Variants in SERPINA6 observed in about 807,000 individuals in gnomAD.
The protein encoded by SERPINA6 is serpin family A member 6, also known as corticosteroid-binding globulin.
In SERPINA6, 19 loss-of-function variants were observed where a neutral mutation model predicts 26.4. That is an observed-to-expected ratio of 0.72 (90% confidence interval 0.50 to 1.06). SERPINA6 has a LOEUF of 1.06. Ranked by LOEUF, SERPINA6 falls within the 50% of genes least tolerant of loss-of-function variation. The pLI, the probability that SERPINA6 is intolerant of heterozygous loss-of-function variation, is 0.00. For synonymous variants in SERPINA6, 196 were observed against 199.4 expected, an observed-to-expected ratio of 0.98 and a Z score of 0.14; for missense variants, 473 against 504.0, an observed-to-expected ratio of 0.94 and a Z score of 0.59.
intron 1 of SERPINA6, among the ~76,000 whole-genome samples, chr14:94,317,229 A>C (rs573008006): frequency 4.6e-5 from 7 of 152,360 alleles, no homozygotes; most frequent in African/African-American, 1.7e-4. Context: ...AACATACAAA[A>C]ATTGATCAGT....
In SERPINA6 at chr14:94,314,589, G is replaced by T; in HGVS notation, c.60C>A (p.Val20=). 1 of 1,614,232 alleles carries T rather than the reference G, an allele frequency of 6.2e-7. No individual in the cohort carries two copies. Among genetic ancestry groups the T allele is most frequent in the South Asian group, 1.1e-5 (1 of 91,084 alleles). Reference sequence around the variant, plus strand: ...AAGCAGCGTTAGGATCCATGGCCTGGACGGTCCAGAGGCCGCTGGTGGGCA... The same window carrying T: ...AAGCAGCGTTAGGATCCATGGCCTGTACGGTCCAGAGGCCGCTGGTGGGCA... The part of the protein sequence containing the change: ...LWLPTSGLWT[V]QAMDPNAAYV... Residue 20 remains valine (V), a synonymous_variant, in exon 2 of 5, where the codon GTC becomes GTA. Transcript: ENST00000341584.
chr14:94,307,116 T>C (rs1271193006), intron 3 of SERPINA6, among the ~76,000 whole-genome samples: 2 of 152,278 alleles, frequency 1.3e-5, no homozygotes, highest in South Asian at 2.1e-4. Context: ...GGCGAGTCGG[T>C]GTGTACCTTC....
chr14:94,307,939 A>C (rs1347087282), intron 3 of SERPINA6, among the ~76,000 whole-genome samples: 1 of 152,234 alleles, frequency 6.6e-6, no homozygotes, highest in East Asian at 1.9e-4. Flanking sequence ...AACAATCTGA[A>C]ACCATAAACC....
chr14:94,305,983 A>G (rs1895432866), intron 4 of SERPINA6, 88 bp downstream of exon 4: 10 of 1,504,764 alleles, frequency 6.6e-6, no homozygotes, highest in East Asian at 2.3e-5. Flanking sequence ...AGGCTCATTC[A>G]TGAACGAACT....
At chr14:94,319,771 A>G (rs752817342) in intron 1 of SERPINA6, among the ~76,000 whole-genome samples, 3 of 152,186 alleles carry the variant, frequency 2.0e-5, no homozygotes, top group Non-Finnish European at 4.4e-5. Context: ...GACAGAAGTA[A>G]AATTGTGGTT....
Position 94,309,733 on chromosome 14 carries a change from TA to T in SERPINA6, c.884+2del, listed in dbSNP as rs1895497957. On this transcript the variant is annotated splice_donor_variant, in intron 3 of 4. Coordinates refer to ENST00000341584, the MANE Select transcript of SERPINA6 (RefSeq NM_001756.4). LOFTEE classifies it high-confidence loss of function. ...AAATCAACATGATGGCTGGAGGACT[TA>T]CCTGCTGGTCAGGCCTGCGGACCAC... is the stretch of plus-strand genomic sequence containing the variant. The T allele has an allele frequency of 6.2e-7, 1 of 1,613,836 alleles. No individual in the cohort carries two copies. The highest frequency in any genetic ancestry group is 8.5e-7 in the Non-Finnish European group (1 of 1,180,012).
rs148014383 is a variant in SERPINA6 at position 94,304,586 on chromosome 14, C to T, written c.1050G>A (p.Val350=). ...LKSSKVVHKA[V]LQLNEEGVDT... is the part of the protein sequence containing the mutation. ...CCACACCCTCCTCATTGAGTTGCAG[C>T]ACAGCTTTATGGACCACCTGTTAGG... Residue 350 remains valine, a synonymous_variant, in exon 5 of 5, where the codon GTG becomes GTA. Coordinates refer to ENST00000341584, the MANE Select transcript of SERPINA6 (RefSeq NM_001756.4). 203 of 1,614,132 alleles carry T rather than the reference C, an allele frequency of 1.3e-4. No individual in the cohort carries two copies. The African/African-American group carries it at 2.2e-3, about 18-fold the overall frequency.
chr14:94,310,031 G>A (rs1423295988), intron 2 of SERPINA6, 25 bp from the exon 3 acceptor site: 1 of 1,612,964 alleles, frequency 6.2e-7, no homozygotes, highest in East Asian at 2.2e-5. Context: ...AGACAGGTCT[G>A]TAGGGCAGAG....
At chr14:94,308,772 T>A (rs1895478885) in intron 3 of SERPINA6, among the ~76,000 whole-genome samples, 1 of 152,216 alleles carries the variant, frequency 6.6e-6, no homozygotes, top group Non-Finnish European at 1.5e-5. Context: ...AAATCTCATT[T>A]GTTTGTGCAT....
At chr14:94,310,903 A>G (rs1441627196) in intron 2 of SERPINA6, among the ~76,000 whole-genome samples, 1 of 152,182 alleles carries the variant, frequency 6.6e-6, no homozygotes, top group Non-Finnish European at 1.5e-5. Flanking sequence ...CATTGACCAC[A>G]AGCCCTGAAG....
At chr14:94,322,885 C>T (rs898570778) in intron 1 of SERPINA6, among the ~76,000 whole-genome samples, 9 of 152,224 alleles carry the variant, frequency 5.9e-5, no homozygotes, top group African/African-American at 1.4e-4. Flanking sequence ...CATCCTTCAT[C>T]GGTGGTGCCG....
At chr14:94,305,921 T>C (rs1895431054) in intron 4 of SERPINA6, 150 bp downstream of exon 4, 2 of 797,034 alleles carry the variant, frequency 2.5e-6, no homozygotes, top group South Asian at 1.6e-5. Context: ...ATTTACCTCA[T>C]GGTGAGACAA....
intron 3 of SERPINA6, among the ~76,000 whole-genome samples, chr14:94,308,837 A>G (rs1044257441): frequency 3.9e-5 from 6 of 152,134 alleles, no homozygotes; most frequent in Non-Finnish European, 7.4e-5. Flanking sequence ...GCATCCATTT[A>G]CTTATTCATT....
chr14:94,317,057 C>T (rs927798422), intron 1 of SERPINA6, among the ~76,000 whole-genome samples: 2 of 152,148 alleles, frequency 1.3e-5, no homozygotes, highest in African/African-American at 2.4e-5. Context: ...TAAGGCAATT[C>T]CCATAATGCC....
At chr14:94,310,482 C>A (rs1195542980) in intron 2 of SERPINA6, among the ~76,000 whole-genome samples, 1 of 152,156 alleles carries the variant, frequency 6.6e-6, no homozygotes, top group Admixed American at 6.5e-5. Context: ...TCCTTCTAGG[C>A]CACGTTGTCC....
intron 1 of SERPINA6, among the ~76,000 whole-genome samples, chr14:94,315,700 T>C (rs1158703352): frequency 2.0e-5 from 3 of 152,162 alleles, no homozygotes; most frequent in Non-Finnish European, 4.4e-5. Flanking sequence ...GTGACTACAC[T>C]AATATTAGAC....
intron 3 of SERPINA6, among the ~76,000 whole-genome samples, chr14:94,306,436 T>G (rs1895441808): frequency 6.6e-6 from 1 of 151,808 alleles, no homozygotes; most frequent in African/African-American, 2.4e-5. Context: ...CCACGGGGCC[T>G]CTGAATTGCA....
intron 2 of SERPINA6, among the ~76,000 whole-genome samples, chr14:94,313,050 C>G (rs771082600): frequency 6.6e-6 from 1 of 152,202 alleles, no homozygotes; most frequent in Non-Finnish European, 1.5e-5. Flanking sequence ...ATTGCCCAAA[C>G]AAGGCATGGG....
At chr14:94,323,034 C>G (rs949912166) in intron 1 of SERPINA6, among the ~76,000 whole-genome samples, 29 of 152,290 alleles carry the variant, frequency 1.9e-4, no homozygotes, top group Middle Eastern at 6.8e-3. Flanking sequence ...TGTGTCAGCC[C>G]CCTGCATGGC....
Sources: gnomAD v4.1 joint callset for allele counts (sites outside exome capture counted in the v4.1 genomes callset) on GRCh38, gnomAD v4.1.1 for gene constraint, MANE v1.5 for transcripts, NCBI Gene and HGNC (gene_info 2026-07-23, HGNC 2026-07-21) for gene names.